STPG2: variants seen among roughly 807,000 people sequenced by gnomAD.
The protein encoded by STPG2 is sperm tail PG-rich repeat containing 2, also known as sperm-tail PG-rich repeat-containing protein 2.
In STPG2, 56 loss-of-function variants were observed where a neutral mutation model predicts 54.2. The observed-to-expected ratio is 1.03, with a 90% confidence interval of 0.83 to 1.29. The LOEUF (loss-of-function observed/expected upper bound fraction) is 1.29, where lower values mean the gene tolerates loss of function less well. Ranked by LOEUF, STPG2 falls within the 50% of genes most tolerant of loss-of-function variation. STPG2 has a pLI of 0.00. For missense variants in STPG2, 596 were observed against 544.9 expected, an observed-to-expected ratio of 1.09 and a Z score of -0.93; for synonymous variants, 200 against 181.8, an observed-to-expected ratio of 1.10 and a Z score of -0.81.
chr4:97,540,174 A>G (rs1240669820), intron 4 of STPG2, among the ~76,000 whole-genome samples: 4 of 152,300 alleles, frequency 2.6e-5, no homozygotes, highest in African/African-American at 7.2e-5. Flanking sequence ...CAAAAAATCA[A>G]TGAATCCAGG....
At chr4:98,124,313 A>G (rs1428189783) in intron 3 of STPG2, among the ~76,000 whole-genome samples, 1 of 152,142 alleles carries the variant, frequency 6.6e-6, no homozygotes, top group Non-Finnish European at 1.5e-5. Flanking sequence ...AGTGGCCAGT[A>G]ACGGTTTTTT....
intron 8 of STPG2, among the ~76,000 whole-genome samples, chr4:97,883,097 C>T (rs1730437385): frequency 6.6e-6 from 1 of 151,600 alleles, no homozygotes; most frequent in Non-Finnish European, 1.5e-5. Context: ...GTGGGAGGAT[C>T]GCTTGAGCCC....
Position 97,945,600 on chromosome 4 carries a change from C to T in STPG2, c.934-1593G>A, listed in dbSNP as rs1174065078. Among the ~76,000 whole-genome samples the T allele has an allele frequency of 3.9e-5, 6 of 152,158 alleles. No individual in the cohort carries two copies. The South Asian group carries it at 8.3e-4, about 21-fold the overall frequency. ...CAGTAGTGGGATTACTAGATCAAAT[C>T]GTAGATCTATTTTTAGTTATCTAAG... On this transcript the variant is annotated intron_variant, in intron 7 of 10. Transcript: ENST00000295268.
intron 4 of STPG2, among the ~76,000 whole-genome samples, chr4:97,499,568 A>C (rs1327038254): frequency 6.6e-6 from 1 of 152,044 alleles, no homozygotes; most frequent in Non-Finnish European, 1.5e-5. Context: ...TTTTATATTC[A>C]ATATTCTTAT....
At chr4:98,138,456 A>G (rs1436763767) in intron 1 of STPG2, among the ~76,000 whole-genome samples, 1 of 152,120 alleles carries the variant, frequency 6.6e-6, no homozygotes, top group African/African-American at 2.4e-5. Context: ...ACTGGTATGA[A>G]GCAATAAAAG....
intron 7 of STPG2, among the ~76,000 whole-genome samples, chr4:97,971,807 TAAAC>T (rs978042509): frequency 1.3e-4 from 20 of 151,844 alleles, no homozygotes; most frequent in Non-Finnish European, 2.1e-4. Context: ...TGAAAAAAAA[TAAAC>T]AAAATAAAAT....
chr4:97,483,357 C>T (rs376717343), intron 4 of STPG2, among the ~76,000 whole-genome samples: 1 of 151,646 alleles, frequency 6.6e-6, no homozygotes, highest in Non-Finnish European at 1.5e-5. Context: ...CTCACATAAA[C>T]TTAAAGTAAA....
chr4:97,983,522 A>G (rs1398536502), intron 5 of STPG2, among the ~76,000 whole-genome samples: 2 of 152,196 alleles, frequency 1.3e-5, no homozygotes, highest in Admixed American at 6.5e-5. Context: ...TTAACGATTT[A>G]TAATTCATTA....
chr4:97,508,870 G>A (rs527769924), intron 4 of STPG2, among the ~76,000 whole-genome samples: 1 of 152,172 alleles, frequency 6.6e-6, no homozygotes, highest in Non-Finnish European at 1.5e-5. Context: ...CTGATTATCT[G>A]TAGAGAAGCA....
intron 10 of STPG2, among the ~76,000 whole-genome samples, chr4:97,708,746 T>C (rs572736110): frequency 2.6e-5 from 4 of 151,756 alleles, no homozygotes; most frequent in Non-Finnish European, 4.4e-5. Context: ...TTAAATTACA[T>C]ATATGTTAAT....
chr4:97,677,224 A>G (rs2148975040), intron 10 of STPG2, among the ~76,000 whole-genome samples: 1 of 152,338 alleles, frequency 6.6e-6, no homozygotes, highest in South Asian at 2.1e-4. Flanking sequence ...CAGTAAAAAC[A>G]CTTTAAAAGA....
chr4:97,723,527 T>C (rs889730729), intron 9 of STPG2, among the ~76,000 whole-genome samples: 2 of 152,200 alleles, frequency 1.3e-5, no homozygotes, highest in Admixed American at 6.5e-5. Flanking sequence ...AATAACTTTG[T>C]AGTTTTACCT....
rs548169891 is a variant in STPG2, at chr4:98,015,770, C to T, written c.613-34452G>A. ...GACACATGCACACATATGTTTATTG[C>T]GGCATTGTTCACAATAGCAAAGACT... On this transcript the variant is annotated intron_variant, in intron 5 of 10. Transcript: ENST00000295268. 1.9e-3 allele frequency among the ~76,000 whole-genome samples: 293 copies of T among 152,186 alleles called. 2 individuals are homozygous for T. The highest frequency in any genetic ancestry group is 6.0e-3 in the African/African-American group (249 of 41,524).
chr4:97,478,873 ATGTGTG>A (rs35662485), intron 4 of STPG2, among the ~76,000 whole-genome samples: 25,832 of 133,846 alleles, frequency 0.19, 2,449 homozygotes, highest in African/African-American at 0.22. Flanking sequence ...CAAGCCAAAT[ATGTGTG>A]TGTGTGTGTG....
downstream of STPG2, among the ~76,000 whole-genome samples, chr4:97,554,194 G>A (rs1178826130): frequency 6.6e-6 from 1 of 152,140 alleles, no homozygotes; most frequent in East Asian, 1.9e-4. Flanking sequence ...CAAAAGAAAG[G>A]TGAGAGCTGG....
At chr4:98,121,245 C>T (rs1406234501) in intron 3 of STPG2, among the ~76,000 whole-genome samples, 2 of 152,100 alleles carry the variant, frequency 1.3e-5, no homozygotes, top group Non-Finnish European at 2.9e-5. Flanking sequence ...TTCCATTGGT[C>T]TACATTTCTG....
chr4:97,848,342 A>G (rs1431277479), intron 8 of STPG2, among the ~76,000 whole-genome samples: 1 of 152,166 alleles, frequency 6.6e-6, no homozygotes, highest in Non-Finnish European at 1.5e-5. Context: ...TGCTTACATA[A>G]GGGCAAGAAA....
chr4:97,557,772 C>T (rs1054659926), downstream of STPG2, among the ~76,000 whole-genome samples: 10 of 152,102 alleles, frequency 6.6e-5, no homozygotes, highest in Admixed American at 6.6e-4. Flanking sequence ...CATATTGGAG[C>T]AAAGGAAGCA....
chr4:97,515,760 T>C (rs1355928092), intron 4 of STPG2, among the ~76,000 whole-genome samples: 1 of 152,052 alleles, frequency 6.6e-6, no homozygotes, highest in Non-Finnish European at 1.5e-5. Context: ...AGAAACTATG[T>C]TTCCTTTATA....
Sources: gnomAD v4.1 joint callset for allele counts (sites outside exome capture counted in the v4.1 genomes callset) on GRCh38, gnomAD v4.1.1 for gene constraint, MANE v1.5 for transcripts, NCBI Gene and HGNC (gene_info 2026-07-23, HGNC 2026-07-21) for gene names.